The following ZNF821 variants were observed in gnomAD, a reference collection of about 807,000 sequenced individuals.
ZNF821 encodes the protein zinc finger protein 821.
In ZNF821, 16 loss-of-function variants were observed where a neutral mutation model predicts 44.3. That is an observed-to-expected ratio of 0.36 (90% confidence interval 0.24 to 0.55). ZNF821 has a LOEUF of 0.55. ZNF821 is among the 20% of genes least tolerant of loss of function. The pLI is 0.86. For synonymous variants in ZNF821, 204 were observed against 197.6 expected, an observed-to-expected ratio of 1.03 and a Z score of -0.27; for missense variants, 436 against 547.6, an observed-to-expected ratio of 0.80 and a Z score of 2.03.
At chr16:71,878,756 C>T (rs2036120073) in intron 3 of ZNF821, among the ~76,000 whole-genome samples, 1 of 151,822 alleles carries the variant, frequency 6.6e-6, no homozygotes, top group African/African-American at 2.4e-5. Flanking sequence ...ATGGTGAAAC[C>T]CTGTCTCTAC....
At chr16:71,864,694 C>T (rs907454955) in intron 5 of ZNF821, 7 of 579,294 alleles carry the variant, frequency 1.2e-5, no homozygotes, top group African/African-American at 3.7e-5. Flanking sequence ...TGTGCACAGG[C>T]GCAGCGATTC....
intron 5 of ZNF821, chr16:71,864,689 A>G: frequency 3.5e-6 from 2 of 573,454 alleles, no homozygotes; most frequent in South Asian, 2.2e-5. Flanking sequence ...AGAGCTGTGC[A>G]CAGGCGCAGC....
At chr16:71,864,443 A>T (rs2034296278) in intron 5 of ZNF821, among the ~76,000 whole-genome samples, 1 of 152,240 alleles carries the variant, frequency 6.6e-6, no homozygotes, top group Non-Finnish European at 1.5e-5. Flanking sequence ...GGATTGCCTC[A>T]GAGAGAGCCA....
At chr16:71,888,391 G>GT (rs574899188), upstream of ZNF821, among the ~76,000 whole-genome samples, 1 of 151,690 alleles carries the variant, frequency 6.6e-6, no homozygotes, top group African/African-American at 2.4e-5. Context: ...TCTCTTAGGA[G>GT]TTTTTTAGCT....
At chr16:71,867,467 G>A (rs1351237921) in intron 4 of ZNF821, among the ~76,000 whole-genome samples, 21 of 152,032 alleles carry the variant, frequency 1.4e-4, no homozygotes, top group African/African-American at 4.8e-4. Context: ...TGAGTGGATC[G>A]CCTGAGGTCA....
intron 3 of ZNF821, among the ~76,000 whole-genome samples, chr16:71,869,419 A>C (rs1567418065): frequency 6.6e-6 from 1 of 152,130 alleles, no homozygotes; most frequent in Non-Finnish European, 1.5e-5. Flanking sequence ...TCATTCAGCA[A>C]ACATTCATTG....
At chr16:71,880,424 T>G (rs138106715) in intron 2 of ZNF821, 5 of 152,956 alleles carry the variant, frequency 3.3e-5, no homozygotes, top group Middle Eastern at 3.4e-3. Context: ...GCAGCTCACA[T>G]GTCACATGCC....
At chr16:71,862,577 G>A (rs1452162262) in intron 6 of ZNF821, among the ~76,000 whole-genome samples, 2 of 152,204 alleles carry the variant, frequency 1.3e-5, no homozygotes, top group Non-Finnish European at 2.9e-5. Flanking sequence ...TGTCTCCCTG[G>A]CTCACACTGT....
exon 1 of ZNF821, chr16:71,895,256 T>TCTGCGCCCAC (rs2036937994): frequency 6.3e-6 from 1 of 158,034 alleles, no homozygotes; most frequent in Non-Finnish European, 1.4e-5. Flanking sequence ...CAGCTGTGGC[T>TCTGCGCCCAC]GGCCTCCCCG....
At chr16:71,877,680 A>C (rs879912448) in intron 3 of ZNF821, among the ~76,000 whole-genome samples, 1 of 151,746 alleles carries the variant, frequency 6.6e-6, no homozygotes, top group Non-Finnish European at 1.5e-5. Flanking sequence ...GCACTTTGGG[A>C]GGCTGAGGTG....
chr16:71,868,396 G>A (rs1280999368), intron 3 of ZNF821, among the ~76,000 whole-genome samples: 1 of 152,224 alleles, frequency 6.6e-6, no homozygotes, highest in Non-Finnish European at 1.5e-5. Flanking sequence ...GTGATGGGAT[G>A]AAGACAGGGC....
At chr16:71,862,814 T>C (rs1331991731) in intron 6 of ZNF821, among the ~76,000 whole-genome samples, 1 of 152,184 alleles carries the variant, frequency 6.6e-6, no homozygotes, top group African/African-American at 2.4e-5. Context: ...TGCCCTGTGA[T>C]TGGATCATGG....
At chr16:71,892,433 A>AT (rs1006235680) in intron 1 of ZNF821, among the ~76,000 whole-genome samples, 14 of 146,880 alleles carry the variant, frequency 9.5e-5, no homozygotes, top group South Asian at 2.2e-4. Flanking sequence ...AGCCCGGCTA[A>AT]TTTTTTTTGT....
chr16:71,879,175 G>C (rs935184445), intron 3 of ZNF821, among the ~76,000 whole-genome samples: 1 of 152,094 alleles, frequency 6.6e-6, no homozygotes, highest in African/African-American at 2.4e-5. Flanking sequence ...TCCACGTGTA[G>C]AGTTAAGCAT....
In ZNF821 at chr16:71,860,621, A is replaced by G. The variant is rs2033741836; in HGVS notation, c.636T>C (p.Asn212=). The G allele has an allele frequency of 4.3e-6, 7 of 1,613,940 alleles. No homozygotes were observed. The highest frequency in any genetic ancestry group is 4.2e-6 in the Non-Finnish European group (5 of 1,180,046). ...LNMESLPTVH[N]EGPSSAEGKD... ...TCCCCTCAGCACTGGAGGGACCCTC[A>G]TTGTGGACTGTGGGTAGGGATTCCA... The change falls in exon 8 of 8, where the codon AAT becomes AAC. Residue 212 remains asparagine (N), a synonymous_variant. Coordinates refer to ENST00000425432, the MANE Select transcript of ZNF821 (RefSeq NM_001201552.2). This position sits in a 1 kb window ranked among gnomAD's most constrained non-coding sequence, Gnocchi z 7.3.
intron 6 of ZNF821, among the ~76,000 whole-genome samples, chr16:71,862,256 C>T (rs370728096): frequency 6.6e-6 from 1 of 152,170 alleles, no homozygotes; most frequent in East Asian, 1.9e-4. Context: ...GCAGGTGGAT[C>T]ACGAGGTCAG....
chr16:71,868,675 C>T (rs776013223), intron 3 of ZNF821, among the ~76,000 whole-genome samples: 3 of 151,672 alleles, frequency 2.0e-5, no homozygotes, highest in Non-Finnish European at 2.9e-5. Context: ...CTCACTTCTG[C>T]AGAAGAACAA....
chr16:71,870,341 T>A (rs754667843), intron 3 of ZNF821, among the ~76,000 whole-genome samples: 3 of 151,824 alleles, frequency 2.0e-5, no homozygotes, highest in South Asian at 2.1e-4. Context: ...AGATGACACA[T>A]TGGATATAAA....
Position 71,861,759 on chromosome 16 carries a change from A to T in ZNF821, c.584+17T>A. The T allele has an allele frequency of 1.2e-6, 2 of 1,613,332 alleles. No homozygotes were observed. Reference sequence around the variant, plus strand: ...GTAATTTGCTCCCAGCACAACAGGGATAAGTGCCCAGCTGACCTGTTAAAA... The same window carrying T: ...GTAATTTGCTCCCAGCACAACAGGGTTAAGTGCCCAGCTGACCTGTTAAAA... On this transcript the variant is annotated intron_variant, in intron 7 of 7. Transcript: ENST00000425432.
Sources: allele counts gnomAD v4.1 joint callset (sites outside exome capture counted in the v4.1 genomes callset), GRCh38; gene constraint gnomAD v4.1.1; non-coding constraint Gnocchi (gnomAD v3.1); transcripts MANE v1.5; gene names NCBI Gene and HGNC (gene_info 2026-07-23, HGNC 2026-07-21).